RAD51B: variants seen among roughly 807,000 people sequenced by gnomAD.
RAD51B encodes DNA repair protein RAD51 homolog 2.
Under a neutral mutation model 42.2 loss-of-function variants are expected in RAD51B, and 38 were observed. That is an observed-to-expected ratio of 0.90 (90% CI 0.70 to 1.18). RAD51B has a LOEUF of 1.18. RAD51B is among the 50% of genes most tolerant of loss of function. The pLI, the probability that RAD51B is intolerant of heterozygous loss-of-function variation, is 0.00. For missense variants in RAD51B, 373 were observed against 400.7 expected (o/e 0.93, Z 0.59); for synonymous variants, 154 against 145.2 (o/e 1.06, Z -0.43).
chr14:68,162,354 A>T (rs1008630137), intron 7 of RAD51B, among the ~76,000 whole-genome samples: 1 of 152,182 alleles, frequency 6.6e-6, no homozygotes, highest in South Asian at 2.1e-4. Context: ...AAGTCCTATA[A>T]TTTTTTTCTT....
Position 68,648,086 on chromosome 14 carries a change from C to T in RAD51B, c.1037-2695C>T, listed in dbSNP as rs1157323509. ...GTATATATATATACACGTATATATACGTGTGTGTATATATATATACACACA... is the reference window on the plus strand; with the variant it reads ...GTATATATATATACACGTATATATATGTGTGTGTATATATATATACACACA... On this transcript the variant is annotated intron_variant, in intron 10 of 11. Transcript: ENST00000488612. Among the ~76,000 whole-genome samples, 135 of 62,270 alleles carry T rather than the reference C, an allele frequency of 2.2e-3. 7 individuals carry two copies. The highest frequency in any genetic ancestry group is 6.3e-3 in the African/African-American group (102 of 16,170). 40.9% of individuals were successfully genotyped at this position (62,270 alleles called of 152,430 possible). A position where few individuals can be genotyped will look rare whatever the true frequency, so the allele number is the denominator to read the frequency against.
intron 7 of RAD51B, among the ~76,000 whole-genome samples, chr14:68,014,313 A>G (rs944233714): frequency 1.3e-5 from 2 of 150,460 alleles, no homozygotes; most frequent in African/African-American, 2.4e-5. Context: ...TTGGAGATTT[A>G]TCAGTCTCTG....
intron 10 of RAD51B, among the ~76,000 whole-genome samples, chr14:68,642,985 A>C (rs2140131773): frequency 8.6e-6 from 1 of 116,536 alleles, no homozygotes; most frequent in Admixed American, 8.3e-5. Context: ...TATTATTTTA[A>C]ATATGTTTAG....
At position 68,622,336 on chromosome 14, in the gene RAD51B, T is replaced by G. The variant is rs148919418; in HGVS notation, c.1037-28445T>G. Among the ~76,000 whole-genome samples, 134 of 152,276 alleles carry G rather than the reference T, an allele frequency of 8.8e-4. 1 individual carries two copies. The highest frequency in any genetic ancestry group is 3.0e-3 in the African/African-American group (124 of 41,558). On this transcript the variant is annotated intron_variant, in intron 10 of 11. Coordinates refer to the RAD51B transcript ENST00000488612. The stretch of plus-strand genomic sequence containing the variant: ...TTCAGTCAACCCATATCATCTTGGG[T>G]CAGGATTGGTGCTGATTCATTTTGA...
intron 7 of RAD51B, among the ~76,000 whole-genome samples, chr14:68,267,454 A>G (rs1426602847): frequency 1.3e-5 from 2 of 152,226 alleles, no homozygotes; most frequent in African/African-American, 4.8e-5. Context: ...TACCACTGGG[A>G]GAGTCAAATG....
At chr14:67,915,912 A>G (rs2044135548) in intron 7 of RAD51B, among the ~76,000 whole-genome samples, 2 of 152,220 alleles carry the variant, frequency 1.3e-5, no homozygotes, top group African/African-American at 4.8e-5. Flanking sequence ...GAATAGAGGA[A>G]GTAGCCAAAC....
chr14:68,458,863 ATTAC>A (rs916703279), intron 9 of RAD51B, among the ~76,000 whole-genome samples: 14 of 152,078 alleles, frequency 9.2e-5, no homozygotes, highest in African/African-American at 3.4e-4. Flanking sequence ...CCAGCACTGT[ATTAC>A]TTCTACAGAT....
chr14:68,144,541 T>C (rs1347008955), intron 7 of RAD51B, among the ~76,000 whole-genome samples: 1 of 152,228 alleles, frequency 6.6e-6, no homozygotes, highest in Non-Finnish European at 1.5e-5. Context: ...TAGTAGAGCA[T>C]TGTCTTTTGT....
intron 10 of RAD51B, among the ~76,000 whole-genome samples, chr14:68,648,113 GTATATATATATAC>G (rs1892615893): frequency 1.7e-5 from 1 of 60,078 alleles, no homozygotes; most frequent in Non-Finnish European, 3.3e-5. Flanking sequence ...ATACACACAC[GTATATATATATAC>G]ACACACGTAT....
chr14:68,621,059 G>A (rs1359420743), intron 10 of RAD51B, among the ~76,000 whole-genome samples: 2 of 152,218 alleles, frequency 1.3e-5, no homozygotes, highest in Non-Finnish European at 2.9e-5. Context: ...GGCAATCCCT[G>A]CCTAAGATGG....
At chr14:67,961,138 C>T (rs1349590968) in intron 7 of RAD51B, among the ~76,000 whole-genome samples, 1 of 151,918 alleles carries the variant, frequency 6.6e-6, no homozygotes, top group African/African-American at 2.4e-5. Flanking sequence ...TCCCGAGTAG[C>T]TGGGGCCACA....
At chr14:68,301,305 T>G (rs1220141867) in intron 8 of RAD51B, among the ~76,000 whole-genome samples, 2 of 152,158 alleles carry the variant, frequency 1.3e-5, no homozygotes, top group East Asian at 3.8e-4. Context: ...TAGAAAAGCC[T>G]CAAAATAAAT....
At chr14:68,296,996 T>A (rs374718085) in intron 8 of RAD51B, among the ~76,000 whole-genome samples, 5 of 152,334 alleles carry the variant, frequency 3.3e-5, no homozygotes, top group African/African-American at 1.2e-4. Flanking sequence ...TCTATTCTGG[T>A]TGGAGTCAGG....
chr14:67,959,596 G>C (rs531073559), intron 7 of RAD51B, among the ~76,000 whole-genome samples: 2 of 152,034 alleles, frequency 1.3e-5, no homozygotes, highest in Admixed American at 6.6e-5. Flanking sequence ...ATGGTAAGCC[G>C]GGTATAAATA....
At chr14:68,469,578 C>T (rs1402796654) in intron 10 of RAD51B, among the ~76,000 whole-genome samples, 4 of 152,158 alleles carry the variant, frequency 2.6e-5, no homozygotes, top group Admixed American at 2.6e-4. Flanking sequence ...GATTTTAACA[C>T]CAGATTAAGC....
chr14:68,387,504 C>G (rs922030224), intron 8 of RAD51B, among the ~76,000 whole-genome samples: 1 of 152,174 alleles, frequency 6.6e-6, no homozygotes, highest in Admixed American at 6.5e-5. Flanking sequence ...TTAGTGTTTA[C>G]TGTTTGACAG....
At chr14:68,643,035 C>A (rs1892494335) in intron 10 of RAD51B, among the ~76,000 whole-genome samples, 1 of 93,328 alleles carries the variant, frequency 1.1e-5, no homozygotes, top group Admixed American at 9.9e-5. Flanking sequence ...GTGAATGTTC[C>A]ATGTGTGCTT....
chr14:68,352,074 GAT>G (rs1433965907), intron 8 of RAD51B, among the ~76,000 whole-genome samples: 2 of 152,214 alleles, frequency 1.3e-5, no homozygotes, highest in East Asian at 1.9e-4. Flanking sequence ...ATACCAGGAA[GAT>G]ATAGGTGTAC....
chr14:68,295,877 C>T (rs1443629342), intron 8 of RAD51B, among the ~76,000 whole-genome samples: 7 of 152,002 alleles, frequency 4.6e-5, no homozygotes, highest in Non-Finnish European at 8.8e-5. Context: ...GTAGACCTTG[C>T]CCCCCGCCCC....
Sources: gnomAD v4.1 joint callset for allele counts (sites outside exome capture counted in the v4.1 genomes callset) on GRCh38, gnomAD v4.1.1 for gene constraint, MANE v1.5 for transcripts, NCBI Gene and HGNC (gene_info 2026-07-23, HGNC 2026-07-21) for gene names.